OR9Q1: variants seen among roughly 807,000 people sequenced by gnomAD.
OR9Q1 encodes olfactory receptor 9Q1.
For synonymous variants in OR9Q1, 153 were observed against 148.6 expected (o/e 1.03, Z -0.22); for missense variants, 374 against 378.8 (o/e 0.99, Z 0.11).
intron 2 of OR9Q1, among the ~76,000 whole-genome samples, chr11:58,168,449 C>T (rs1395748136): frequency 6.6e-6 from 1 of 152,102 alleles, no homozygotes; most frequent in Non-Finnish European, 1.5e-5. Flanking sequence ...TTGAGATTTA[C>T]CCATATTGAT....
chr11:58,168,548 CTG>C (rs1271984505), intron 2 of OR9Q1, among the ~76,000 whole-genome samples: 3 of 152,022 alleles, frequency 2.0e-5, no homozygotes, highest in East Asian at 3.9e-4. Flanking sequence ...CCTCTACAAA[CTG>C]TGTTTTTCTC....
intron 2 of OR9Q1, among the ~76,000 whole-genome samples, chr11:58,123,962 C>G (rs1051976420): frequency 2.0e-5 from 3 of 152,094 alleles, no homozygotes; most frequent in Admixed American, 6.5e-5. Context: ...AACTGCTCAA[C>G]CAATTGGAAC....
chr11:58,042,503 A>G (rs970028282), intron 1 of OR9Q1, among the ~76,000 whole-genome samples: 3 of 151,680 alleles, frequency 2.0e-5, no homozygotes, highest in African/African-American at 7.3e-5. Context: ...CCATTGATCT[A>G]TATCACTGTT....
chr11:58,039,433 T>C (rs1184292284), intron 1 of OR9Q1, among the ~76,000 whole-genome samples: 1 of 152,224 alleles, frequency 6.6e-6, no homozygotes, highest in African/African-American at 2.4e-5. Flanking sequence ...CCCAGAAATG[T>C]GGTTGCCTTG....
intron 1 of OR9Q1, among the ~76,000 whole-genome samples, chr11:58,048,524 T>C (rs1853243160): frequency 2.0e-5 from 3 of 148,860 alleles, no homozygotes; most frequent in Admixed American, 2.0e-4. Context: ...TAGCCGGGCA[T>C]GGTGGCACAT....
intron 2 of OR9Q1, among the ~76,000 whole-genome samples, chr11:58,164,270 T>C (rs1854481742): frequency 6.6e-6 from 1 of 152,100 alleles, no homozygotes. Flanking sequence ...TTATTTCATA[T>C]TGCTTTGAGG....
intron 2 of OR9Q1, among the ~76,000 whole-genome samples, chr11:58,162,397 G>A (rs866752756): frequency 1.6e-4 from 25 of 152,296 alleles, no homozygotes; most frequent in Middle Eastern, 6.8e-3. Flanking sequence ...GCAAGGTTGT[G>A]GTTAATGAAT....
rs1361054517 is a variant in OR9Q1, at chr11:58,082,796, A to G, written c.-15+26849A>G. Among the ~76,000 whole-genome samples, 3 of 148,116 alleles carry G rather than the reference A, an allele frequency of 2.0e-5. No homozygotes were observed. In the East Asian group the frequency reaches 5.9e-4, roughly 29 times the overall value. On this transcript the variant is annotated intron_variant, in intron 2 of 2. Coordinates refer to ENST00000335397, the MANE Select transcript of OR9Q1 (RefSeq NM_001005212.4). ...AAAAAGTTAGGTCTTCTTTTTTTAA[A>G]ATTTTATTATTATTATACTTTAAGT...
At position 58,145,443 on chromosome 11, in the gene OR9Q1, C is replaced by G. The variant is rs534435042; in HGVS notation, c.-14-33988C>G. 3 of 152,294 alleles carry G rather than the reference C, an allele frequency of 2.0e-5. No homozygotes were observed. In the East Asian group the frequency reaches 5.8e-4, roughly 29 times the overall value. The allele number at this position is 152,294 out of a possible 1,614,324, so 9.4% of individuals were successfully genotyped here. A position where few individuals can be genotyped will look rare whatever the true frequency, so the allele number is the denominator to read the frequency against. On this transcript the variant is annotated intron_variant, in intron 2 of 2. Coordinates refer to ENST00000335397, the MANE Select transcript of OR9Q1 (RefSeq NM_001005212.4). Reference sequence around the variant, plus strand: ...AGAGTAACTCTTGAGCCCCATCAAGCCAGAAGTTTCTGCAAATCCTGCTCT... The same window carrying G: ...AGAGTAACTCTTGAGCCCCATCAAGGCAGAAGTTTCTGCAAATCCTGCTCT...
chr11:58,111,005 AG>A (rs1340504763), intron 2 of OR9Q1, among the ~76,000 whole-genome samples: 1 of 152,156 alleles, frequency 6.6e-6, no homozygotes, highest in Non-Finnish European at 1.5e-5. Flanking sequence ...AGAATCCTTC[AG>A]GGCTGCCTAC....
At position 58,160,623 on chromosome 11, in the gene OR9Q1, C is replaced by A. The variant is rs146772700; in HGVS notation, c.-14-18808C>A. Reference sequence around the variant, plus strand: ...CATAGTCATGTGCCACCATGCCTGGCTAATTTCAAAAAAAGATTTCTTGTT... The same window carrying A: ...CATAGTCATGTGCCACCATGCCTGGATAATTTCAAAAAAAGATTTCTTGTT... On this transcript the variant is annotated intron_variant, in intron 2 of 2. Coordinates refer to ENST00000335397, the MANE Select transcript of OR9Q1 (RefSeq NM_001005212.4). Among the ~76,000 whole-genome samples, 388 of 152,228 alleles carry A rather than the reference C, an allele frequency of 2.5e-3. 1 individual carries two copies. Among genetic ancestry groups the A allele is most frequent in the Non-Finnish European group, 3.6e-3 (247 of 68,032 alleles).
chr11:58,172,895 A>G (rs1031546109), intron 2 of OR9Q1, among the ~76,000 whole-genome samples: 1 of 152,194 alleles, frequency 6.6e-6, no homozygotes, highest in South Asian at 2.1e-4. Context: ...CTGTTGTGCT[A>G]TCACATACTA....
chr11:58,089,098 G>A (rs1224312721), intron 2 of OR9Q1, among the ~76,000 whole-genome samples: 4 of 151,536 alleles, frequency 2.6e-5, no homozygotes, highest in Non-Finnish European at 4.4e-5. Context: ...GACTGATCTC[G>A]AAATCCTGAC....
intron 2 of OR9Q1, among the ~76,000 whole-genome samples, chr11:58,122,509 A>G (rs1159233594): frequency 6.6e-6 from 1 of 152,208 alleles, no homozygotes; most frequent in Non-Finnish European, 1.5e-5. Context: ...ACAATCCATG[A>G]TTTATATGTC....
intron 2 of OR9Q1, among the ~76,000 whole-genome samples, chr11:58,138,670 G>A (rs536967169): frequency 3.3e-5 from 5 of 152,164 alleles, no homozygotes; most frequent in Admixed American, 6.5e-5. Context: ...GACAAAACTT[G>A]TATATATTTA....
intron 2 of OR9Q1, among the ~76,000 whole-genome samples, chr11:58,082,602 G>A (rs1280185336): frequency 2.8e-5 from 2 of 71,102 alleles, no homozygotes; most frequent in Non-Finnish European, 5.4e-5. Flanking sequence ...GTTGTGGGGT[G>A]GGGGGAGGGG....
intron 2 of OR9Q1, among the ~76,000 whole-genome samples, chr11:58,066,840 G>A (rs1853434790): frequency 6.6e-6 from 1 of 152,120 alleles, no homozygotes. Context: ...GTGATGCACA[G>A]GAGAGGCCGG....
chr11:58,087,084 A>G (rs1360231027), intron 2 of OR9Q1, among the ~76,000 whole-genome samples: 1 of 151,876 alleles, frequency 6.6e-6, no homozygotes, highest in Non-Finnish European at 1.5e-5. Context: ...ATAAACATGT[A>G]TCAAAACACC....
intron 2 of OR9Q1, among the ~76,000 whole-genome samples, chr11:58,088,221 T>C (rs940453351): frequency 3.3e-5 from 5 of 152,004 alleles, no homozygotes; most frequent in Non-Finnish European, 4.4e-5. Context: ...CAGTCTATCA[T>C]TGATGAGCAT....
Sources: allele counts gnomAD v4.1 joint callset (sites outside exome capture counted in the v4.1 genomes callset), GRCh38; gene constraint gnomAD v4.1.1; transcripts MANE v1.5; gene names NCBI Gene and HGNC (gene_info 2026-07-23, HGNC 2026-07-21).